PCDHGA2: variants seen among roughly 807,000 people sequenced by gnomAD.
PCDHGA2 encodes the protein protocadherin gamma-A2.
Under a neutral mutation model 59.2 loss-of-function variants are expected in PCDHGA2, and 40 were observed. That is an observed-to-expected ratio of 0.68 (90% confidence interval 0.52 to 0.88). PCDHGA2 has a LOEUF of 0.88. Ranked by LOEUF, PCDHGA2 falls within the 40% of genes least tolerant of loss-of-function variation. The probability of loss-of-function intolerance (pLI) is 0.00; values close to 1 mark genes in which losing one functional copy is unlikely to be tolerated. For synonymous variants in PCDHGA2, 560 were observed against 526.0 expected (o/e 1.06, Z -0.89); for missense variants, 1,226 against 1,204.0 (o/e 1.02, Z -0.27).
intron 1 of PCDHGA2, chr5:141,408,110 T>G: frequency 2.8e-6 from 4 of 1,445,204 alleles, no homozygotes; most frequent in Non-Finnish European, 2.7e-6. Context: ...GACCCGGGAC[T>G]CCTCCTGTCC....
intron 1 of PCDHGA2, chr5:141,366,212 A>C: frequency 6.2e-7 from 1 of 1,613,804 alleles, no homozygotes; most frequent in African/African-American, 1.3e-5. Context: ...CGAGGTGCGC[A>C]CAGCGCGAGC....
chr5:141,444,525 C>T (rs2098439670), intron 1 of PCDHGA2, among the ~76,000 whole-genome samples: 1 of 152,062 alleles, frequency 6.6e-6, no homozygotes, highest in African/African-American at 2.4e-5. Context: ...GTAGGTGAGA[C>T]AGTGACTGTG....
At chr5:141,344,299 G>T (rs776796046) in intron 1 of PCDHGA2, 1 of 1,613,962 alleles carries the variant, frequency 6.2e-7, no homozygotes, top group African/African-American at 1.3e-5. Context: ...ACCGCGGAGA[G>T]GATAGACCGG....
intron 1 of PCDHGA2, among the ~76,000 whole-genome samples, chr5:141,446,280 A>G (rs1011084291): frequency 2.6e-5 from 4 of 152,162 alleles, no homozygotes; most frequent in South Asian, 2.1e-4. Context: ...AATACAATGG[A>G]TAAATGGGGA....
rs1042973261 is a variant in PCDHGA2 at position 141,491,547 on chromosome 5, G to T, written c.2425-3260G>T. ...AGGTGACGCTGCGGCCCACAGACTC[G>T]CAGAGCCACTGCTACAGGACGTGCT... On this transcript the variant is annotated intron_variant, in intron 1 of 3. Transcript: ENST00000394576. The surrounding 1 kb of genome is among the most constrained non-coding windows in gnomAD (Gnocchi z 6.9). 6.8e-6 allele frequency: 11 copies of T among 1,613,856 alleles called. No homozygotes were observed. Among genetic ancestry groups the T allele is most frequent in the Middle Eastern group, 1.6e-4 (1 of 6,084 alleles).
At chr5:141,456,336 G>A (rs2098850873) in intron 1 of PCDHGA2, among the ~76,000 whole-genome samples, 1 of 152,242 alleles carries the variant, frequency 6.6e-6, no homozygotes, top group Non-Finnish European at 1.5e-5. Context: ...TGATCTAAGG[G>A]TCCTCGGAAG....
chr5:141,383,455 G>A (rs1330166497), intron 1 of PCDHGA2: 1 of 1,613,936 alleles, frequency 6.2e-7, no homozygotes, highest in South Asian at 1.1e-5. Context: ...GCAAAGTGGA[G>A]ACGATGAAAC....
intron 1 of PCDHGA2, chr5:141,366,752 G>A: frequency 1.2e-6 from 2 of 1,607,644 alleles, no homozygotes; most frequent in Non-Finnish European, 1.7e-6. Flanking sequence ...GCGAGTTCAG[G>A]TTAGTTTTCT....
intron 1 of PCDHGA2, chr5:141,409,675 AG>A (rs2095301185): frequency 1.9e-6 from 3 of 1,613,304 alleles, no homozygotes; most frequent in African/African-American, 2.7e-5. Flanking sequence ...CCTACTCTAT[AG>A]TGGCGAGTGA....
chr5:141,510,840 A>C (rs2099882997), intron 3 of PCDHGA2, 107 bp from the exon 4 acceptor site: 1 of 1,588,450 alleles, frequency 6.3e-7, no homozygotes, highest in Non-Finnish European at 8.6e-7. Context: ...CAGCGTGGTC[A>C]AGGCCCAGGG....
At chr5:141,496,886 C>T (rs1562175671) in intron 2 of PCDHGA2, among the ~76,000 whole-genome samples, 1 of 135,246 alleles carries the variant, frequency 7.4e-6, no homozygotes, top group African/African-American at 2.9e-5. Context: ...ACAAGTAACA[C>T]TTAAAAAAAA....
intron 1 of PCDHGA2, chr5:141,370,117 T>A (rs1370014125): frequency 5.2e-6 from 2 of 381,566 alleles, no homozygotes; most frequent in Admixed American, 4.1e-5. Flanking sequence ...CCTAACTAGC[T>A]CCTTATTTGG....
chr5:141,385,196 G>T, intron 1 of PCDHGA2: 1 of 1,614,230 alleles, frequency 6.2e-7, no homozygotes, highest in South Asian at 1.1e-5. Flanking sequence ...TCTCGGAAGA[G>T]TCACCTGATC....
chr5:141,448,464 T>C lies in PCDHGA2; in HGVS notation c.2425-46343T>C, dbSNP rs186054602. Among the ~76,000 whole-genome samples the C allele has an allele frequency of 2.6e-3, 402 of 152,296 alleles. 10 individuals are homozygous for C. The highest frequency in any genetic ancestry group is 0.023 in the Admixed American group (357 of 15,282). ...CTGACTTCCATCCCTATCCTACTCCTATTCCACCCTTGCTTCCTCCTGTCC... is the reference window on the plus strand; with the variant it reads ...CTGACTTCCATCCCTATCCTACTCCCATTCCACCCTTGCTTCCTCCTGTCC... On this transcript the variant is annotated intron_variant, in intron 1 of 3. Transcript: ENST00000394576.
chr5:141,365,396 A>G lies in PCDHGA2; in HGVS notation c.2424+24001A>G, dbSNP rs554930491. ...GATCCTCACCTCTCTGACCAGTTCG[A>G]TCTCTGAAGACTGTCTTCCCGGAAC... On this transcript the variant is annotated intron_variant, in intron 1 of 3. Coordinates refer to ENST00000394576, the MANE Select transcript of PCDHGA2 (RefSeq NM_018915.4). The G allele has an allele frequency of 3.7e-6, 6 of 1,613,940 alleles. No individual in the cohort carries two copies. The Admixed American group carries it at 1.0e-4, about 27-fold the overall frequency.
At chr5:141,369,990 A>G (rs773924073) in intron 1 of PCDHGA2, among the ~76,000 whole-genome samples, 2 of 152,236 alleles carry the variant, frequency 1.3e-5, no homozygotes, top group Non-Finnish European at 2.9e-5. Context: ...TTGGATGGAT[A>G]AAGCTCAAAT....
chr5:141,403,201 C>G (rs1486888915), intron 1 of PCDHGA2: 1 of 1,614,002 alleles, frequency 6.2e-7, no homozygotes, highest in East Asian at 2.2e-5. Context: ...GCAGCGGCAC[C>G]TTGGTCACCG....
rs2233605 is a variant in PCDHGA2 at position 141,490,412 on chromosome 5, C to A, written c.2425-4395C>A. ...GGTGAAGTGAGCCTTGATATCTCTC[C>A]GGACCTGCCATTTCAGATTAAGCCT... On this transcript the variant is annotated intron_variant, in intron 1 of 3. Transcript: ENST00000394576. This position sits in a 1 kb window ranked among gnomAD's most constrained non-coding sequence, Gnocchi z 5.4. 1.3e-4 allele frequency: 203 copies of A among 1,614,064 alleles called. 1 individual carries two copies. The highest frequency in any genetic ancestry group is 3.5e-4 in the South Asian group (32 of 91,086).
chr5:141,341,255 G>A lies in PCDHGA2; in HGVS notation c.2284G>A (p.Asp762Asn). Residue 762 changes from aspartate to asparagine, a missense_variant, in exon 1 of 4, where the codon GAC becomes AAC. Asp to Asn is a conservative substitution (Grantham distance 23, BLOSUM62 1). Transcript: ENST00000394576. ...TTCCCACGAGGTCTCCCTCACTGCG[G>A]ACTCGCGGAAGAGCCACCTGATTTT... ...TYSHEVSLTA[D>N]SRKSHLIFPQ... is the part of the protein sequence containing the mutation. 6.2e-7 allele frequency: 1 copy of A among 1,614,220 alleles called. No homozygotes were observed. The highest frequency in any genetic ancestry group is 8.5e-7 in the Non-Finnish European group (1 of 1,180,046).
Sources: allele counts gnomAD v4.1 joint callset (sites outside exome capture counted in the v4.1 genomes callset), GRCh38; gene constraint gnomAD v4.1.1; non-coding constraint Gnocchi (gnomAD v3.1); transcripts MANE v1.5; gene names NCBI Gene and HGNC (gene_info 2026-07-23, HGNC 2026-07-21).